The following TIAM1 variants were observed in gnomAD, a reference collection of about 807,000 sequenced individuals.
The protein encoded by TIAM1 is TIAM Rac1 associated GEF 1.
A neutral mutation model predicts 163.5 loss-of-function variants in TIAM1; 65 were observed. That is an observed-to-expected ratio of 0.40 (90% CI 0.33 to 0.49). The LOEUF is 0.49. Among genes scored for constraint, TIAM1 ranks in the 20% least tolerant of loss-of-function variants. The pLI is 0.77. For synonymous variants in TIAM1, 833 were observed against 810.1 expected (o/e 1.03, Z -0.48); for missense variants, 1,789 against 2,044.7 (o/e 0.87, Z 2.41).
intron 2 of TIAM1, among the ~76,000 whole-genome samples, chr21:31,463,645 T>A (rs185493270): frequency 6.6e-5 from 10 of 151,762 alleles, no homozygotes; most frequent in African/African-American, 1.9e-4. Flanking sequence ...TGACGAGACC[T>A]CATCTCTACT....
At chr21:31,315,274 G>A (rs1453798293) in intron 2 of TIAM1, among the ~76,000 whole-genome samples, 3 of 152,058 alleles carry the variant, frequency 2.0e-5, no homozygotes, top group Admixed American at 2.0e-4. Context: ...CAGCACTTTG[G>A]GAGGCCGAAG....
chr21:31,435,770 A>AGTT (rs1339457468), intron 2 of TIAM1, among the ~76,000 whole-genome samples: 30 of 152,322 alleles, frequency 2.0e-4, no homozygotes, highest in African/African-American at 7.0e-4. Context: ...AGAGGTAACT[A>AGTT]GGTCAAGAGG....
At chr21:31,246,107 T>C (rs982435787) in intron 5 of TIAM1, among the ~76,000 whole-genome samples, 18 of 152,144 alleles carry the variant, frequency 1.2e-4, no homozygotes, top group African/African-American at 4.3e-4. Flanking sequence ...ATCTAGAAAA[T>C]GTATTTAGTT....
intron 1 of TIAM1, among the ~76,000 whole-genome samples, chr21:31,512,846 G>T (rs918057852): frequency 2.6e-5 from 4 of 151,774 alleles, no homozygotes; most frequent in African/African-American, 9.7e-5. Context: ...ATTTCACCAT[G>T]TTGCCCAGAC....
intron 1 of TIAM1, among the ~76,000 whole-genome samples, chr21:31,503,604 G>GGGAGA (rs1426842262): frequency 0.22 from 317 of 1,420 alleles, 2 homozygotes; most frequent in Non-Finnish European, 0.27. Context: ...GGGAGGGGAG[G>GGGAGA]GGAGGGGAGG....
In TIAM1 at chr21:31,479,447, GGATGGATA is replaced by G. The variant is rs1480511053; in HGVS notation, c.-421-15420_-421-15413del. Among the ~76,000 whole-genome samples, 52 of 131,626 alleles carry G rather than the reference GGATGGATA, an allele frequency of 4.0e-4. 1 individual carries two copies. Among genetic ancestry groups the G allele is most frequent in the South Asian group, 3.7e-3 (16 of 4,340 alleles). The allele number at this position is 131,626 out of a possible 152,430, so 86.4% of individuals were successfully genotyped here. ...CGGACGGACGGATGAATGGAAGGAT[GGATGGATA>G]GATGGATGGATGGATGGATGGAAGG... On this transcript the variant is annotated intron_variant, in intron 1 of 28. Transcript: ENST00000286827.
chr21:31,184,097 G>C (rs765101649), intron 14 of TIAM1, among the ~76,000 whole-genome samples: 1 of 151,996 alleles, frequency 6.6e-6, no homozygotes, highest in Non-Finnish European at 1.5e-5. Flanking sequence ...ACCATGTCTG[G>C]CTAATTTTTG....
intron 3 of TIAM1, among the ~76,000 whole-genome samples, 172 bp downstream of exon 3, chr21:31,276,560 G>A (rs2073308780): frequency 6.6e-6 from 1 of 152,192 alleles, no homozygotes; most frequent in African/African-American, 2.4e-5. Flanking sequence ...TAACGCTAAT[G>A]CTTTCGAATT....
intron 2 of TIAM1, among the ~76,000 whole-genome samples, chr21:31,321,058 A>AAG (rs2075294751): frequency 6.6e-6 from 1 of 151,830 alleles, no homozygotes; most frequent in Non-Finnish European, 1.5e-5. Context: ...AGGCTGAGGC[A>AAG]AGAGGATCAC....
rs192803793 is a variant in TIAM1, at chr21:31,395,481, G to A, written c.-368-56059C>T. On this transcript the variant is annotated intron_variant, in intron 2 of 28. Coordinates refer to the TIAM1 transcript ENST00000286827. The surrounding 1 kb of genome is among the most constrained non-coding windows in gnomAD (Gnocchi z 7.5). ...TGGACAAGAGGGGCCCTCGGAGACC[G>A]AGGTCATCTAAACACAGCCAATCAC... 2.0e-5 allele frequency among the ~76,000 whole-genome samples: 3 copies of A among 152,256 alleles called. No homozygotes were observed. The highest frequency in any genetic ancestry group is 1.5e-5 in the Non-Finnish European group (1 of 68,016).
chr21:31,232,196 G>A (rs1037153901), intron 6 of TIAM1, among the ~76,000 whole-genome samples: 8 of 152,100 alleles, frequency 5.3e-5, no homozygotes, highest in African/African-American at 1.9e-4. Flanking sequence ...AAAACCTAGA[G>A]AAGCATATAT....
At chr21:31,145,069 G>C (rs928978435) in intron 20 of TIAM1, among the ~76,000 whole-genome samples, 1 of 151,964 alleles carries the variant, frequency 6.6e-6, no homozygotes, top group Non-Finnish European at 1.5e-5. Context: ...TAACAATCTC[G>C]TAACAATTAG....
At chr21:31,203,811 C>G (rs2086323255) in intron 11 of TIAM1, among the ~76,000 whole-genome samples, 1 of 152,214 alleles carries the variant, frequency 6.6e-6, no homozygotes, top group African/African-American at 2.4e-5. Context: ...AGTTCATTTG[C>G]AAGCGAGTCA....
In TIAM1 at chr21:31,120,807, C is replaced by A. The variant is rs762509135; in HGVS notation, c.4337G>T (p.Arg1446Met). ...CCTGTTTCGAGCCAGCCGCCGCCTC[C>A]TCCTCCCAAGAGACTTGCTTGGGGC... The part of the protein sequence containing the change: ...VSAPSKSLGR[R>M]RRRLARNRFT... Residue 1446 changes from arginine to methionine, a missense_variant, in exon 28 of 28, where the codon AGG becomes ATG. By Grantham distance (91) the Arg-to-Met change is moderately conservative. Around this residue, in one of 5 missense-constraint regions of TIAM1, gnomAD observed 415 missense variants for 439.2 expected, o/e 0.94. Coordinates refer to ENST00000541036, the MANE Select transcript of TIAM1 (RefSeq NM_001353694.2). The surrounding 1 kb of genome is among the most constrained non-coding windows in gnomAD (Gnocchi z 4.2). 6.2e-7 allele frequency: 1 copy of A among 1,613,312 alleles called. No homozygotes were observed. The highest frequency in any genetic ancestry group is 1.1e-5 in the South Asian group (1 of 90,970).
intron 1 of TIAM1, among the ~76,000 whole-genome samples, chr21:31,533,594 G>A (rs1165446212): frequency 2.0e-5 from 3 of 151,894 alleles, no homozygotes; most frequent in African/African-American, 7.3e-5. Flanking sequence ...TTAGCCAGGG[G>A]TGGTGGTACA....
Position 31,195,134 on chromosome 21 carries a change from C to A in TIAM1, c.2575+90G>T, listed in dbSNP as rs2146494420. ...GATATACTATCTGTTTTAGATAGGA[C>A]TCAAAGGCATTTTGTTGAACTGTAA... On this transcript the variant is annotated intron_variant, in intron 13 of 27. Coordinates refer to ENST00000541036, the MANE Select transcript of TIAM1 (RefSeq NM_001353694.2). 3 of 1,053,476 alleles carry A rather than the reference C, an allele frequency of 2.8e-6. No homozygotes were observed. In the East Asian group the frequency reaches 7.5e-5, roughly 26 times the overall value. The allele number at this position is 1,053,476 out of a possible 1,614,324, so 65.3% of individuals were successfully genotyped here.
chr21:31,433,166 G>A (rs369489137), intron 2 of TIAM1, among the ~76,000 whole-genome samples: 7 of 152,188 alleles, frequency 4.6e-5, no homozygotes, highest in Non-Finnish European at 1.0e-4. Context: ...GAAAGCCAGA[G>A]CTCTTCAGAG....
chr21:31,309,201 T>C (rs1601910666), intron 2 of TIAM1, among the ~76,000 whole-genome samples: 1 of 152,332 alleles, frequency 6.6e-6, no homozygotes, highest in East Asian at 1.9e-4. Flanking sequence ...GCACAACCTG[T>C]AATCCCAGCA....
intron 1 of TIAM1, among the ~76,000 whole-genome samples, chr21:31,476,988 C>G (rs2045953555): frequency 6.6e-6 from 1 of 152,224 alleles, no homozygotes; most frequent in Non-Finnish European, 1.5e-5. Context: ...TAAGTAAACA[C>G]TAACCATTAG....
Sources: gnomAD v4.1 joint callset for allele counts (sites outside exome capture counted in the v4.1 genomes callset) on GRCh38, gnomAD v4.1.1 for gene constraint, gnomAD v4.1.1 regional missense constraint, Gnocchi (gnomAD v3.1) non-coding constraint, MANE v1.5 for transcripts, NCBI Gene and HGNC (gene_info 2026-07-23, HGNC 2026-07-21) for gene names.